Variants in DNAL1 observed in about 807,000 individuals in gnomAD.
DNAL1 encodes dynein axonemal light chain 1, also known as chromosome 14 open reading frame 168.
In DNAL1, 17 loss-of-function variants were observed where a neutral mutation model predicts 29.4. The observed-to-expected ratio is 0.58, with a 90% CI of 0.40 to 0.87. DNAL1 has a LOEUF of 0.87. DNAL1 is among the 40% of genes least tolerant of loss of function. The pLI, the probability that DNAL1 is intolerant of heterozygous loss-of-function variation, is 0.00. For missense variants in DNAL1, 188 were observed against 214.1 expected (o/e 0.88, Z 0.76); for synonymous variants, 78 against 76.3 (o/e 1.02, Z -0.12).
intron 5 of DNAL1, among the ~76,000 whole-genome samples, chr14:73,677,884 T>TATATATTTGTGTGTG (rs1555402397): frequency 1.2e-4 from 12 of 96,132 alleles, no homozygotes; most frequent in South Asian, 3.2e-4. Flanking sequence ...ATATATATAT[T>TATATATTTGTGTGTG]TGTGTGTGTG....
At chr14:73,657,987 G>T (rs1891255732) in intron 2 of DNAL1, among the ~76,000 whole-genome samples, 1 of 152,214 alleles carries the variant, frequency 6.6e-6, no homozygotes, top group African/African-American at 2.4e-5. Context: ...CTAGACCAAT[G>T]TCCTGAAGTG....
intron 1 of DNAL1, among the ~76,000 whole-genome samples, chr14:73,652,762 G>A (rs905422915): frequency 6.6e-6 from 1 of 151,874 alleles, no homozygotes. Context: ...ATGTGTGAAC[G>A]CCTATCTCAT....
intron 1 of DNAL1, 52 bp downstream of exon 1, chr14:73,645,094 A>G: frequency 6.3e-7 from 1 of 1,595,412 alleles, no homozygotes; most frequent in South Asian, 1.1e-5. Flanking sequence ...TTGGGAGTGG[A>G]AAAGGGTGAC....
Position 73,689,425 on chromosome 14 carries a change from G to A in DNAL1, c.442G>A (p.Val148Ile), listed in dbSNP as rs1037739634. Reference protein sequence around the residue: ...ELPCLEDLVFVGNPLEEKHSA... With the variant: ...ELPCLEDLVFIGNPLEEKHSA... ...GCCATGCCTCGAAGACCTGGTGTTT[G>A]TAGGCAATCCCTTGGAAGAGAAACA... Residue 148 changes from valine (V) to isoleucine (I), a missense_variant, in exon 7 of 8, where the codon GTA becomes ATA. Coordinates refer to ENST00000553645, the MANE Select transcript of DNAL1 (RefSeq NM_031427.4). The A allele has an allele frequency of 5.8e-6, 9 of 1,557,138 alleles. No homozygotes were observed. The highest frequency in any genetic ancestry group is 1.7e-4 in the Middle Eastern group (1 of 6,002).
chr14:73,695,589 G>T, intron 7 of DNAL1, among the ~76,000 whole-genome samples: 1 of 152,098 alleles, frequency 6.6e-6, no homozygotes. Context: ...GAGTGCAATG[G>T]TATAATCTTG....
rs777043273 is a variant in DNAL1, at chr14:73,654,459, C to T, written c.4-388C>T. Among the ~76,000 whole-genome samples the T allele has an allele frequency of 2.8e-4, 43 of 152,052 alleles. 1 individual carries two copies. Among genetic ancestry groups the T allele is most frequent in the Non-Finnish European group, 1.3e-4 (9 of 68,016 alleles). On this transcript the variant is annotated intron_variant, in intron 1 of 7. Transcript: ENST00000553645. ...TTGAAAAGTTAATCAACAAATTACA[C>T]CAATAAAGACAAATTGGGGCTGGGC...
chr14:73,687,615 G>A (rs1378655460), intron 6 of DNAL1, among the ~76,000 whole-genome samples: 3 of 152,222 alleles, frequency 2.0e-5, no homozygotes, highest in African/African-American at 7.2e-5. Context: ...GCTCACGCCT[G>A]TAATCCCAGA....
chr14:73,681,191 T>TGGCA (rs1891866615), intron 5 of DNAL1, among the ~76,000 whole-genome samples: 2 of 151,700 alleles, frequency 1.3e-5, no homozygotes, highest in South Asian at 4.2e-4. Flanking sequence ...TGGAGTGCAG[T>TGGCA]GGCACCCTGT....
intron 7 of DNAL1, among the ~76,000 whole-genome samples, chr14:73,693,054 TTCA>T (rs1892214057): frequency 1.3e-5 from 2 of 152,102 alleles, no homozygotes; most frequent in Non-Finnish European, 2.9e-5. Flanking sequence ...AAGGCTGGTC[TTCA>T]ACTCCTGACC....
intron 4 of DNAL1, among the ~76,000 whole-genome samples, chr14:73,670,124 A>G (rs566317796): frequency 3.3e-5 from 5 of 152,330 alleles, no homozygotes; most frequent in African/African-American, 1.2e-4. Flanking sequence ...CCCATTTTAT[A>G]TATGGGAAAA....
chr14:73,692,318 C>T lies in DNAL1; in HGVS notation c.532+2803C>T, dbSNP rs536463149. Among the ~76,000 whole-genome samples the T allele has an allele frequency of 2.0e-5, 3 of 152,104 alleles. No individual in the cohort carries two copies. The South Asian group carries it at 6.2e-4, about 32-fold the overall frequency. On this transcript the variant is annotated intron_variant, in intron 7 of 7. Transcript: ENST00000553645. ...CCCACCTGGTGAAACCCTGTCTCTA[C>T]TAAAAATACAAAAATTAGCTGCGTG...
chr14:73,661,906 T>C, intron 3 of DNAL1, 81 bp from the exon 4 acceptor site: 1 of 815,758 alleles, frequency 1.2e-6, no homozygotes, highest in Non-Finnish European at 1.9e-6. Context: ...TATTATCTTT[T>C]ATGGGCACTA....
chr14:73,665,797 A>G (rs967271718), intron 4 of DNAL1, among the ~76,000 whole-genome samples: 3 of 152,150 alleles, frequency 2.0e-5, no homozygotes, highest in African/African-American at 4.8e-5. Flanking sequence ...CTCAAAAAAA[A>G]AAAAAAATGA....
intron 7 of DNAL1, among the ~76,000 whole-genome samples, chr14:73,691,798 A>T (rs1286640840): frequency 7.0e-6 from 1 of 142,978 alleles, no homozygotes; most frequent in African/African-American, 2.7e-5. Context: ...GGTTCAAGCG[A>T]TTCTCCTGCC....
Position 73,703,651 on chromosome 14 carries a change from T to TCC in DNAL1, c.*7710_*7711dup, listed in dbSNP as rs201343251. 0.042 allele frequency: 6,449 copies of TCC among 152,392 alleles called. 409 individuals carry two copies. The highest frequency in any genetic ancestry group is 0.15 in the African/African-American group (6,041 of 41,530). The allele number at this position is 152,392 out of a possible 1,614,324, so 9.4% of individuals were successfully genotyped here. A position where few individuals can be genotyped will look rare whatever the true frequency, so the allele number is the denominator to read the frequency against. On this transcript the variant is annotated 3_prime_UTR_variant, in exon 8 of 8. Coordinates refer to ENST00000553645, the MANE Select transcript of DNAL1 (RefSeq NM_031427.4). ...CAAAACCTATAAGAACTGATGATAA[T>TCC]CCACCACCCTTTGCTGACTCTCTTT...
chr14:73,666,422 CT>C (rs1413923029), intron 4 of DNAL1, among the ~76,000 whole-genome samples: 1 of 151,838 alleles, frequency 6.6e-6, no homozygotes, highest in East Asian at 1.9e-4. Context: ...AAAAACTATA[CT>C]TTACTCCTTC....
chr14:73,666,611 A>T (rs530329350), intron 4 of DNAL1, among the ~76,000 whole-genome samples: 15 of 152,218 alleles, frequency 9.9e-5, no homozygotes, highest in Admixed American at 3.9e-4. Flanking sequence ...AACTTTGGAT[A>T]TCATAATTTA....
chr14:73,648,046 C>T (rs137866341), intron 1 of DNAL1, among the ~76,000 whole-genome samples: 19 of 152,040 alleles, frequency 1.2e-4, no homozygotes, highest in Non-Finnish European at 2.6e-4. Flanking sequence ...GGCACAATCT[C>T]GGCTCACTGC....
rs1481064743 is a variant in DNAL1 at position 73,696,527 on chromosome 14, T to C, written c.*585T>C. On this transcript the variant is annotated 3_prime_UTR_variant, in exon 8 of 8. Coordinates refer to ENST00000553645, the MANE Select transcript of DNAL1 (RefSeq NM_031427.4). ...CTCAGAGACCTTCTAGTCTATATTA[T>C]ACTTATTTGTTTTTCCAAAAATGTG... 1 of 152,360 alleles carries C rather than the reference T, an allele frequency of 6.6e-6. No homozygotes were observed. The highest frequency in any genetic ancestry group is 1.5e-5 in the Non-Finnish European group (1 of 68,040). The allele number at this position is 152,360 out of a possible 1,614,324, so 9.4% of individuals were successfully genotyped here.
Sources: allele counts gnomAD v4.1 joint callset (sites outside exome capture counted in the v4.1 genomes callset), GRCh38; gene constraint gnomAD v4.1.1; transcripts MANE v1.5; gene names NCBI Gene and HGNC (gene_info 2026-07-23, HGNC 2026-07-21).